The following MRPL19 variants were observed in gnomAD, a reference collection of about 807,000 sequenced individuals.
MRPL19 encodes mitochondrial ribosomal protein L19.
A neutral mutation model predicts 34.0 loss-of-function variants in MRPL19; 31 were observed. The observed-to-expected ratio is 0.91, with a 90% CI of 0.68 to 1.23. The LOEUF is 1.23. Among genes scored for constraint, MRPL19 ranks in the 50% most tolerant of loss-of-function variants. The pLI, the probability that MRPL19 is intolerant of heterozygous loss-of-function variation, is 0.00. For missense variants in MRPL19, 384 were observed against 367.6 expected (o/e 1.04, Z -0.37); for synonymous variants, 152 against 127.7 (o/e 1.19, Z -1.28).
At position 75,652,166 on chromosome 2, in the gene MRPL19, T is replaced by C; in HGVS notation, c.246T>C (p.Pro82=). 1 of 1,594,696 alleles carries C rather than the reference T, an allele frequency of 6.3e-7. No homozygotes were observed. Among genetic ancestry groups the C allele is most frequent in the Non-Finnish European group, 8.5e-7 (1 of 1,171,480 alleles). ...ERRFLSPEFI[P]RRGRTDPLKF... ...GGTTCTTGAGTCCTGAATTCATTCC[T>C]CGAAGGGGAAGAACAGATCCTCTGA... Residue 82 remains proline (P), a synonymous_variant, in exon 3 of 6, where the codon CCT becomes CCC. Transcript: ENST00000393909.
chr2:75,653,171 C>G lies in MRPL19; in HGVS notation c.475+514C>G, dbSNP rs182996211. 3.3e-5 allele frequency among the ~76,000 whole-genome samples: 5 copies of G among 152,270 alleles called. No homozygotes were observed. The East Asian group carries it at 7.7e-4, about 24-fold the overall frequency. On this transcript the variant is annotated intron_variant, in intron 4 of 5. Transcript: ENST00000393909. ...TAATAGAGGAACAAGGAGTAAAACT[C>G]TAGCAAGATTATTAATTAAAATGGC...
rs1035394594 is a variant in MRPL19, at chr2:75,655,488, A to G, written c.*203A>G. ...AGAATTACACATGCCAAATGGACCAATGTCCATTTGCTTATTGGAGGCAAA... is the reference window on the plus strand; with the variant it reads ...AGAATTACACATGCCAAATGGACCAGTGTCCATTTGCTTATTGGAGGCAAA... On this transcript the variant is annotated 3_prime_UTR_variant, in exon 6 of 6. Coordinates refer to ENST00000393909, the MANE Select transcript of MRPL19 (RefSeq NM_014763.4). The G allele has an allele frequency of 1.1e-5, 5 of 455,992 alleles. No homozygotes were observed. The highest frequency in any genetic ancestry group is 2.0e-5 in the African/African-American group (1 of 49,328). 28.2% of individuals were successfully genotyped at this position (455,992 alleles called of 1,614,324 possible).
intron 2 of MRPL19, among the ~76,000 whole-genome samples, chr2:75,650,524 G>A (rs1990145): frequency 0.27 from 41,555 of 151,966 alleles, 5,951 homozygotes; most frequent in East Asian, 0.44. Context: ...ATTCTAAAAC[G>A]AATACCTCAC....
At chr2:75,649,577 A>G (rs1351079975) in intron 2 of MRPL19, among the ~76,000 whole-genome samples, 1 of 152,216 alleles carries the variant, frequency 6.6e-6, no homozygotes, top group Non-Finnish European at 1.5e-5. Context: ...GGGTATCGTG[A>G]TAATATAGGA....
rs769577882 is a variant in MRPL19 at position 75,660,501 on chromosome 2, T to TA, written c.*5217dup. The TA allele has an allele frequency of 6.6e-6, 1 of 152,188 alleles. No homozygotes were observed. Among genetic ancestry groups the TA allele is most frequent in the Non-Finnish European group, 1.5e-5 (1 of 68,026 alleles). 9.4% of individuals were successfully genotyped at this position (152,188 alleles called of 1,614,324 possible). ...CAGATATTCCCCCCTTCCTGAGAGT[T>TA]AGTTTTATTTTTATTATTGAAGATT... On this transcript the variant is annotated 3_prime_UTR_variant, in exon 6 of 6. Coordinates refer to ENST00000393909, the MANE Select transcript of MRPL19 (RefSeq NM_014763.4).
chr2:75,650,069 T>A (rs1459846594), intron 2 of MRPL19, among the ~76,000 whole-genome samples: 1 of 152,188 alleles, frequency 6.6e-6, no homozygotes, highest in Non-Finnish European at 1.5e-5. Context: ...TTTAAAATTT[T>A]CAAAGTAGAA....
At chr2:75,650,618 C>G (rs1309448738) in intron 2 of MRPL19, among the ~76,000 whole-genome samples, 1 of 152,170 alleles carries the variant, frequency 6.6e-6, no homozygotes, top group Non-Finnish European at 1.5e-5. Flanking sequence ...GAGGCACAAA[C>G]AAGGCAGACT....
chr2:75,651,980 A>G (rs917373923), intron 2 of MRPL19, 162 bp from the exon 3 acceptor site: 2 of 484,376 alleles, frequency 4.1e-6, no homozygotes, highest in Admixed American at 7.4e-5. Flanking sequence ...ATTGTTAGCT[A>G]TTTTCATGAG....
chr2:75,655,489 T>C lies in MRPL19; in HGVS notation c.*204T>C, dbSNP rs1016217658. 4 of 452,198 alleles carry C rather than the reference T, an allele frequency of 8.8e-6. No homozygotes were observed. The highest frequency in any genetic ancestry group is 4.1e-5 in the African/African-American group (2 of 49,220). 28.0% of individuals were successfully genotyped at this position (452,198 alleles called of 1,614,324 possible). A position where few individuals can be genotyped will look rare whatever the true frequency, so the allele number is the denominator to read the frequency against. Reference sequence around the variant, plus strand: ...GAATTACACATGCCAAATGGACCAATGTCCATTTGCTTATTGGAGGCAAAG... The same window carrying C: ...GAATTACACATGCCAAATGGACCAACGTCCATTTGCTTATTGGAGGCAAAG... On this transcript the variant is annotated 3_prime_UTR_variant, in exon 6 of 6. Coordinates refer to ENST00000393909, the MANE Select transcript of MRPL19 (RefSeq NM_014763.4).
chr2:75,648,946 T>C (rs1678275087), intron 2 of MRPL19, among the ~76,000 whole-genome samples: 3 of 152,138 alleles, frequency 2.0e-5, no homozygotes, highest in Non-Finnish European at 2.9e-5. Flanking sequence ...TAAAAAGAAA[T>C]GTAAGGGGGG....
chr2:75,655,037 T>TA, intron 5 of MRPL19, 27 bp from the exon 6 acceptor site: 1 of 1,446,710 alleles, frequency 6.9e-7, no homozygotes, highest in South Asian at 1.5e-5. Flanking sequence ...TTGCTTTTTT[T>TA]TTTTTTTTTT....
At chr2:75,652,867 G>A (rs1367634877) in intron 4 of MRPL19, among the ~76,000 whole-genome samples, 1 of 152,194 alleles carries the variant, frequency 6.6e-6, no homozygotes, top group Non-Finnish European at 1.5e-5. Flanking sequence ...GGCTTCTTAT[G>A]TTATTGGAAC....
chr2:75,655,498 G>A lies in MRPL19; in HGVS notation c.*213G>A, dbSNP rs959410944. On this transcript the variant is annotated 3_prime_UTR_variant, in exon 6 of 6. Transcript: ENST00000393909. The stretch of plus-strand genomic sequence containing the variant: ...ATGCCAAATGGACCAATGTCCATTT[G>A]CTTATTGGAGGCAAAGCTACAATAG... 3 of 428,632 alleles carry A rather than the reference G, an allele frequency of 7.0e-6. No individual in the cohort carries two copies. The highest frequency in any genetic ancestry group is 2.1e-5 in the African/African-American group (1 of 48,586). 26.6% of individuals were successfully genotyped at this position (428,632 alleles called of 1,614,324 possible).
rs1001384470 is a variant in MRPL19, at chr2:75,658,142, A to G, written c.*2857A>G. 8.5e-5 allele frequency among the ~76,000 whole-genome samples: 13 copies of G among 152,048 alleles called. No homozygotes were observed. The highest frequency in any genetic ancestry group is 1.6e-4 in the Non-Finnish European group (11 of 67,974). On this transcript the variant is annotated 3_prime_UTR_variant, in exon 6 of 6. Transcript: ENST00000393909. ...CAGGTAGGAGTGCAGTGGTGTGATC[A>G]TAGCTCATTGCAGCCTCAAAATCCT...
chr2:75,647,003 T>C (rs1678236556), intron 1 of MRPL19, 93 bp downstream of exon 1: 22 of 1,481,568 alleles, frequency 1.5e-5, no homozygotes, highest in South Asian at 1.3e-4. Flanking sequence ...AACCCCAGCG[T>C]TGGTCCCCCG....
rs1460523688 is a variant in MRPL19 at position 75,659,486 on chromosome 2, T to C, written c.*4201T>C. Among the ~76,000 whole-genome samples, 1 of 152,180 alleles carries C rather than the reference T, an allele frequency of 6.6e-6. No individual in the cohort carries two copies. The highest frequency in any genetic ancestry group is 1.5e-5 in the Non-Finnish European group (1 of 68,000). On this transcript the variant is annotated 3_prime_UTR_variant, in exon 6 of 6. Coordinates refer to ENST00000393909, the MANE Select transcript of MRPL19 (RefSeq NM_014763.4). The stretch of plus-strand genomic sequence containing the variant: ...TTGGATCCTTATTTCATTATATAGA[T>C]TTGAGTTACTGTCTAGTGCCCTTCC...
intron 4 of MRPL19, 110 bp from the exon 5 acceptor site, chr2:75,654,626 T>A: frequency 1.1e-6 from 1 of 935,102 alleles, no homozygotes; most frequent in Non-Finnish European, 1.5e-6. Flanking sequence ...GCACATTTTC[T>A]ACATGCAAAA....
intron 2 of MRPL19, among the ~76,000 whole-genome samples, chr2:75,650,619 A>G (rs1678311470): frequency 6.6e-6 from 1 of 152,152 alleles, no homozygotes; most frequent in Non-Finnish European, 1.5e-5. Context: ...AGGCACAAAC[A>G]AGGCAGACTA....
chr2:75,660,849 C>G lies in MRPL19; in HGVS notation c.*5564C>G, dbSNP rs1348619155. The G allele has an allele frequency of 6.6e-6, 1 of 152,248 alleles. No individual in the cohort carries two copies. The highest frequency in any genetic ancestry group is 2.4e-5 in the African/African-American group (1 of 41,458). 9.4% of individuals were successfully genotyped at this position (152,248 alleles called of 1,614,324 possible). A position where few individuals can be genotyped will look rare whatever the true frequency, so the allele number is the denominator to read the frequency against. On this transcript the variant is annotated 3_prime_UTR_variant, in exon 6 of 6. Transcript: ENST00000393909. ...TGTGTATGCACGTAGTTTTCTAAAT[C>G]TCCCTGTATGTGCTGTTGAATATTC...
Sources: gnomAD v4.1 joint callset for allele counts (sites outside exome capture counted in the v4.1 genomes callset) on GRCh38, gnomAD v4.1.1 for gene constraint, MANE v1.5 for transcripts, NCBI Gene and HGNC (gene_info 2026-07-23, HGNC 2026-07-21) for gene names.